Variants in SSH2 observed in about 807,000 individuals in gnomAD.
SSH2 encodes the protein protein phosphatase Slingshot homolog 2.
In SSH2, 37 loss-of-function variants were observed where a neutral mutation model predicts 135.2. That is an observed-to-expected ratio of 0.27 (90% CI 0.21 to 0.36). The LOEUF (loss-of-function observed/expected upper bound fraction) is 0.36. Ranked by LOEUF, SSH2 falls within the 10% of genes least tolerant of loss-of-function variation. The pLI, the probability that SSH2 is intolerant of heterozygous loss-of-function variation, is 1.00. For missense variants in SSH2, 1,408 were observed against 1,765.3 expected (o/e 0.80, Z 3.63); for synonymous variants, 628 against 646.2 (o/e 0.97, Z 0.43).
At chr17:29,909,990 G>A (rs1201087776) in intron 1 of SSH2, among the ~76,000 whole-genome samples, 1 of 152,138 alleles carries the variant, frequency 6.6e-6, no homozygotes, top group African/African-American at 2.4e-5. Context: ...CTGTCACCTA[G>A]GGTGGAGTGC....
intron 6 of SSH2, 55 bp downstream of exon 6, chr17:29,684,508 C>CAAA: frequency 8.9e-7 from 1 of 1,125,964 alleles, no homozygotes; most frequent in Non-Finnish European, 1.2e-6. Flanking sequence ...AAAAAAGCAA[C>CAAA]TGGAACAGGT....
chr17:29,912,165 A>G (rs1328767506), intron 1 of SSH2, among the ~76,000 whole-genome samples: 1 of 152,212 alleles, frequency 6.6e-6, no homozygotes, highest in African/African-American at 2.4e-5. Context: ...CCTTTCTGCA[A>G]CAAATATGGA....
chr17:29,920,822 T>A (rs1215430643), intron 1 of SSH2, among the ~76,000 whole-genome samples: 1 of 152,122 alleles, frequency 6.6e-6, no homozygotes, highest in Non-Finnish European at 1.5e-5. Flanking sequence ...AAGACTGGAT[T>A]GATGGCATTA....
chr17:29,706,831 A>G (rs118159703), intron 3 of SSH2, among the ~76,000 whole-genome samples: 171 of 152,346 alleles, frequency 1.1e-3, no homozygotes, highest in Middle Eastern at 0.01. Context: ...TTTGTGAGAT[A>G]GGTAGTTTCT....
chr17:29,728,226 G>A (rs992835394), intron 3 of SSH2, among the ~76,000 whole-genome samples: 1 of 151,674 alleles, frequency 6.6e-6, no homozygotes, highest in East Asian at 1.9e-4. Context: ...ATACATAATC[G>A]GCATACAAAA....
intron 13 of SSH2, among the ~76,000 whole-genome samples, chr17:29,650,448 T>C (rs2036541606): frequency 6.6e-6 from 1 of 152,220 alleles, no homozygotes; most frequent in African/African-American, 2.4e-5. Flanking sequence ...ATAGCCAACA[T>C]GAGGTTACTT....
chr17:29,772,391 G>A (rs1453279413), intron 3 of SSH2, among the ~76,000 whole-genome samples: 4 of 151,756 alleles, frequency 2.6e-5, no homozygotes, highest in African/African-American at 7.3e-5. Context: ...GACTACAGGC[G>A]CCCACCACCA....
intron 2 of SSH2, among the ~76,000 whole-genome samples, chr17:29,815,900 G>A (rs2042550393): frequency 1.3e-5 from 2 of 152,114 alleles, no homozygotes; most frequent in South Asian, 2.1e-4. Context: ...CCAGGCTGGA[G>A]TGCACTGGCG....
chr17:29,643,024 C>T, intron 14 of SSH2: 1 of 694,204 alleles, frequency 1.4e-6, no homozygotes, highest in South Asian at 6.5e-5. Context: ...AATGCAAGAT[C>T]TAAACACTTG....
chr17:29,789,445 G>A (rs536450992), intron 3 of SSH2, among the ~76,000 whole-genome samples: 5 of 152,150 alleles, frequency 3.3e-5, no homozygotes, highest in Non-Finnish European at 7.3e-5. Flanking sequence ...AGGACTAAGG[G>A]AAACAGAGAA....
At chr17:29,835,511 T>A (rs1164986693) in intron 2 of SSH2, among the ~76,000 whole-genome samples, 1 of 152,194 alleles carries the variant, frequency 6.6e-6, no homozygotes, top group Non-Finnish European at 1.5e-5. Flanking sequence ...GTAGTCAGGT[T>A]CCTCCATGAG....
At chr17:29,839,873 C>G (rs1467182179) in intron 2 of SSH2, among the ~76,000 whole-genome samples, 1 of 152,192 alleles carries the variant, frequency 6.6e-6, no homozygotes, top group Non-Finnish European at 1.5e-5. Context: ...TTAGCTGTCA[C>G]TACCAGCATG....
rs1326580174 is a variant in SSH2, at chr17:29,636,447, C to A, written c.1783G>T (p.Asp595Tyr). The A allele has an allele frequency of 1.9e-6, 3 of 1,614,046 alleles. No individual in the cohort carries two copies. Among genetic ancestry groups the A allele is most frequent in the South Asian group, 1.1e-5 (1 of 91,080 alleles). ...AAGGCTTTGGATGCATGGCAATTGT[C>A]AAGAGGAAATTTTGATTCATTCAGA... ...CCLNESKFPL[D>Y]NCHASKALIQ... Residue 595 changes from aspartate (D) to tyrosine (Y), a missense_variant, in exon 15 of 16, where the codon GAC (aspartate) becomes TAC (tyrosine). This residue lies in a region of SSH2 where 1,080 missense variants were observed against 1,144.5 expected (regional missense o/e 0.94). Coordinates refer to ENST00000540801, the MANE Select transcript of SSH2 (RefSeq NM_001282129.2).
At chr17:29,781,328 A>G (rs1330780531) in intron 3 of SSH2, among the ~76,000 whole-genome samples, 2 of 152,160 alleles carry the variant, frequency 1.3e-5, no homozygotes, top group Non-Finnish European at 2.9e-5. Flanking sequence ...TCAAAGATAA[A>G]AAATAAACAG....
At chr17:29,735,737 C>T (rs1436084380) in intron 3 of SSH2, among the ~76,000 whole-genome samples, 2 of 148,316 alleles carry the variant, frequency 1.3e-5, no homozygotes, top group Non-Finnish European at 3.0e-5. Context: ...AAATAAAGCA[C>T]ACATCAGGTA....
intron 1 of SSH2, among the ~76,000 whole-genome samples, chr17:29,927,327 C>A (rs1312708481): frequency 1.3e-5 from 2 of 152,058 alleles, no homozygotes; most frequent in Non-Finnish European, 2.9e-5. Flanking sequence ...CCCCAGCCCC[C>A]CAGATTGCAA....
intron 11 of SSH2, among the ~76,000 whole-genome samples, chr17:29,662,809 C>G (rs561678565): frequency 9.7e-4 from 147 of 152,298 alleles, no homozygotes; most frequent in African/African-American, 3.4e-3. Flanking sequence ...AAAGGAAACA[C>G]TTTCCCAAAA....
intron 3 of SSH2, among the ~76,000 whole-genome samples, chr17:29,720,647 C>A (rs903393845): frequency 2.0e-5 from 3 of 151,920 alleles, no homozygotes; most frequent in Non-Finnish European, 4.4e-5. Context: ...GGGCCATGCA[C>A]TAATGCACAA....
At chr17:29,681,272 T>C (rs868272545) in intron 6 of SSH2, among the ~76,000 whole-genome samples, 1 of 134,960 alleles carries the variant, frequency 7.4e-6, no homozygotes, top group East Asian at 2.1e-4. Context: ...GAGACGGAGG[T>C]TGCAGTGAGC....
Sources: gnomAD v4.1 joint callset for allele counts (sites outside exome capture counted in the v4.1 genomes callset) on GRCh38, gnomAD v4.1.1 for gene constraint, gnomAD v4.1.1 regional missense constraint, MANE v1.5 for transcripts, NCBI Gene and HGNC (gene_info 2026-07-23, HGNC 2026-07-21) for gene names.